The following KHDRBS2 variants were observed in gnomAD, a reference collection of about 807,000 sequenced individuals.
KHDRBS2 encodes KH RNA binding domain containing, signal transduction associated 2.
Under a neutral mutation model 44.3 loss-of-function variants are expected in KHDRBS2, and 26 were observed. The ratio of observed to expected loss-of-function variants is 0.59; its 90% confidence interval spans 0.43 to 0.81. KHDRBS2 has a LOEUF of 0.81. Among genes scored for constraint, KHDRBS2 ranks in the 40% least tolerant of loss-of-function variants. The probability of loss-of-function intolerance (pLI) is 0.00; values close to 1 mark genes in which losing one functional copy is unlikely to be tolerated. For synonymous variants in KHDRBS2, 194 were observed against 151.1 expected (o/e 1.28, Z -2.08); for missense variants, 476 against 433.1 (o/e 1.10, Z -0.88).
chr6:62,072,563 T>C (rs1196875475), intron 2 of KHDRBS2, among the ~76,000 whole-genome samples: 1 of 152,188 alleles, frequency 6.6e-6, no homozygotes, highest in Non-Finnish European at 1.5e-5. Context: ...GTTGTTGAAT[T>C]TTGTCAATGG....
At chr6:62,167,910 A>G (rs1167054126) in intron 2 of KHDRBS2, among the ~76,000 whole-genome samples, 4 of 152,154 alleles carry the variant, frequency 2.6e-5, no homozygotes, top group African/African-American at 9.7e-5. Context: ...AACTACTTTA[A>G]AAGTCAGAAA....
At chr6:61,849,096 A>C (rs544634448) in intron 6 of KHDRBS2, among the ~76,000 whole-genome samples, 8 of 152,086 alleles carry the variant, frequency 5.3e-5, no homozygotes, top group Non-Finnish European at 1.2e-4. Flanking sequence ...GATTTTCTTC[A>C]GTAGAGATGC....
the KHDRBS2 span, among the ~76,000 whole-genome samples, chr6:61,555,604 T>C: frequency 6.6e-6 from 1 of 152,202 alleles, no homozygotes; most frequent in East Asian, 1.9e-4. Context: ...GTTGCCAGAG[T>C]TCTTGCACTG....
At chr6:61,557,068 T>C in the KHDRBS2 span, among the ~76,000 whole-genome samples, 1 of 152,068 alleles carries the variant, frequency 6.6e-6, no homozygotes, top group African/African-American at 2.4e-5. Flanking sequence ...TGTCATATTA[T>C]GGTAAAAATA....
At chr6:61,777,945 T>C (rs1782353070) in intron 6 of KHDRBS2, among the ~76,000 whole-genome samples, 1 of 152,086 alleles carries the variant, frequency 6.6e-6, no homozygotes. Context: ...ATTATTTCAC[T>C]ACCCAGGTAT....
At chr6:61,904,837 AC>A (rs1804669196) in intron 4 of KHDRBS2, among the ~76,000 whole-genome samples, 1 of 151,862 alleles carries the variant, frequency 6.6e-6, no homozygotes, top group Non-Finnish European at 1.5e-5. Flanking sequence ...TCCTAACATA[AC>A]TCTTATATGT....
chr6:62,090,859 G>A (rs1440781608), intron 2 of KHDRBS2, among the ~76,000 whole-genome samples: 1 of 152,166 alleles, frequency 6.6e-6, no homozygotes, highest in African/African-American at 2.4e-5. Flanking sequence ...TATTCCTGAG[G>A]TATATTTAGG....
chr6:62,109,859 C>T (rs1181243060), intron 2 of KHDRBS2, among the ~76,000 whole-genome samples: 2 of 151,542 alleles, frequency 1.3e-5, no homozygotes, highest in African/African-American at 4.8e-5. Context: ...TTATATCACA[C>T]CATATATAAA....
At chr6:61,993,663 ATATATATATATTTTTTTT>A (rs1431608634) in intron 3 of KHDRBS2, among the ~76,000 whole-genome samples, 1 of 122,952 alleles carries the variant, frequency 8.1e-6, no homozygotes, top group Non-Finnish European at 1.8e-5. Flanking sequence ...ATATATATAT[ATATATATATATTTTTTTT>A]TTTTGATGTG....
At chr6:62,070,792 A>T (rs1232387164) in intron 2 of KHDRBS2, among the ~76,000 whole-genome samples, 2 of 152,206 alleles carry the variant, frequency 1.3e-5, no homozygotes, top group Non-Finnish European at 2.9e-5. Flanking sequence ...TAGTCTCGCA[A>T]TAAACATACG....
At chr6:62,049,418 T>C (rs1339542028) in intron 2 of KHDRBS2, among the ~76,000 whole-genome samples, 2 of 151,200 alleles carry the variant, frequency 1.3e-5, no homozygotes, top group African/African-American at 4.9e-5. Flanking sequence ...ATAAAGATTC[T>C]AAGAAGAAAG....
At chr6:61,832,023 T>C (rs890702196) in intron 6 of KHDRBS2, among the ~76,000 whole-genome samples, 2 of 152,136 alleles carry the variant, frequency 1.3e-5, no homozygotes, top group African/African-American at 4.8e-5. Flanking sequence ...GGAGGACTGA[T>C]TGAGTCCAGG....
chr6:62,281,236 G>T (rs1841751109), intron 1 of KHDRBS2, among the ~76,000 whole-genome samples: 5 of 152,200 alleles, frequency 3.3e-5, no homozygotes, highest in South Asian at 4.1e-4. Context: ...GTAATCTAAA[G>T]TAAGGCAGTG....
intron 1 of KHDRBS2, among the ~76,000 whole-genome samples, chr6:62,210,370 C>G (rs1187686418): frequency 1.3e-5 from 2 of 149,954 alleles, no homozygotes; most frequent in Non-Finnish European, 3.0e-5. Flanking sequence ...CGCTCTTGTC[C>G]CCTAGGCTGG....
chr6:61,872,002 T>C (rs1798733048), intron 6 of KHDRBS2, among the ~76,000 whole-genome samples: 1 of 151,704 alleles, frequency 6.6e-6, no homozygotes, highest in Non-Finnish European at 1.5e-5. Flanking sequence ...AGGTGATGGG[T>C]TGATGGGTGC....
the KHDRBS2 span, among the ~76,000 whole-genome samples, chr6:61,642,245 A>G: frequency 1.3e-5 from 2 of 152,048 alleles, no homozygotes; most frequent in Non-Finnish European, 2.9e-5. Flanking sequence ...TAGGTCATTC[A>G]CTTTTTTATT....
chr6:62,061,593 G>T (rs1273966127), intron 2 of KHDRBS2, among the ~76,000 whole-genome samples: 2 of 150,242 alleles, frequency 1.3e-5, no homozygotes, highest in East Asian at 4.0e-4. Flanking sequence ...CTTTCTCTCT[G>T]GCTGCCCTTA....
intron 8 of KHDRBS2, among the ~76,000 whole-genome samples, chr6:61,690,202 T>G (rs1025961259): frequency 4.6e-5 from 7 of 152,012 alleles, no homozygotes; most frequent in Non-Finnish European, 8.8e-5. Flanking sequence ...TATATTTTTT[T>G]TCTTAGCTGG....
chr6:62,101,992 A>G (rs1171918271), intron 2 of KHDRBS2, among the ~76,000 whole-genome samples: 1 of 152,222 alleles, frequency 6.6e-6, no homozygotes, highest in African/African-American at 2.4e-5. Flanking sequence ...TTTTTCCTTA[A>G]GTCTATAAGA....
Sources: gnomAD v4.1 joint callset for allele counts (sites outside exome capture counted in the v4.1 genomes callset) on GRCh38, gnomAD v4.1.1 for gene constraint, MANE v1.5 for transcripts, NCBI Gene and HGNC (gene_info 2026-07-23, HGNC 2026-07-21) for gene names.